The following TLN2 variants were observed in gnomAD, a reference collection of about 807,000 sequenced individuals.
TLN2 encodes talin 2, also known as talin-2.
TLN2 carries 118 observed loss-of-function variants against 294.7 expected under a neutral mutation model. The ratio of observed to expected loss-of-function variants is 0.40; its 90% CI spans 0.34 to 0.47. The LOEUF (loss-of-function observed/expected upper bound fraction) is 0.47, where lower values mean the gene tolerates loss of function less well. TLN2 is among the 20% of genes least tolerant of loss of function. The pLI is 0.84. For synonymous variants in TLN2, 1,431 were observed against 1,304.5 expected (o/e 1.10, Z -2.09); for missense variants, 3,083 against 3,282.2 (o/e 0.94, Z 1.48).
At chr15:62,588,082 G>T (rs974439637) in intron 1 of TLN2, among the ~76,000 whole-genome samples, 1 of 151,920 alleles carries the variant, frequency 6.6e-6, no homozygotes, top group Non-Finnish European at 1.5e-5. Flanking sequence ...GGGTTTCACC[G>T]TGTTAGCCAG....
intron 1 of TLN2, among the ~76,000 whole-genome samples, chr15:62,507,946 G>A (rs532396035): frequency 6.6e-6 from 1 of 152,120 alleles, no homozygotes; most frequent in African/African-American, 2.4e-5. Context: ...ATACTTTTTG[G>A]TATATAGAAT....
chr15:62,650,090 A>G lies in TLN2; in HGVS notation c.143A>G (p.Asp48Gly). 1 of 1,613,998 alleles carries G rather than the reference A, an allele frequency of 6.2e-7. No homozygotes were observed. Among genetic ancestry groups the G allele is most frequent in the Non-Finnish European group, 8.5e-7 (1 of 1,179,968 alleles). ...CTTCCCATTTATATTTCAGCTTCTG[A>G]CTATGGACTCTTTCTTTCGGATGAA... Reference protein sequence around the residue: ...VPEAQTGQASDYGLFLSDEDP... With the variant: ...VPEAQTGQASGYGLFLSDEDP... Residue 48 changes from aspartate to glycine, a missense_variant, in exon 5 of 59, where the codon GAC becomes GGC. Coordinates refer to ENST00000636159, the MANE Select transcript of TLN2 (RefSeq NM_015059.3).
chr15:62,590,926 C>T (rs567912631), intron 2 of TLN2, among the ~76,000 whole-genome samples: 1 of 151,378 alleles, frequency 6.6e-6, no homozygotes, highest in Non-Finnish European at 1.5e-5. Flanking sequence ...CCTGGTCATG[C>T]CTCTACTTTA....
Position 62,792,658 on chromosome 15 carries a change from C to G in TLN2, c.5754C>G (p.Arg1918=). ...CTCTGCAGATCGGATTCCAGATTCG[C>G]ACTCGTGTGCAGGACCTGGGCCACG... ...AEPEEIGFQI[R]TRVQDLGHGC... The change falls in exon 46 of 59, where the codon CGC becomes CGG. Residue 1918 remains arginine, a synonymous_variant. Transcript: ENST00000636159. 1 of 1,613,566 alleles carries G rather than the reference C, an allele frequency of 6.2e-7. No individual in the cohort carries two copies. The highest frequency in any genetic ancestry group is 8.5e-7 in the Non-Finnish European group (1 of 1,179,946).
At chr15:62,797,158 G>C (rs544360261) in intron 47 of TLN2, 61 bp from the exon 48 acceptor site, 1 of 1,582,524 alleles carries the variant, frequency 6.3e-7, no homozygotes. Context: ...TTTTCTTCTT[G>C]AAGTAATCAA....
rs754878427 is a variant in TLN2, at chr15:62,783,878, G to A, written c.5724G>A (p.Ala1908=). 1.1e-5 allele frequency: 17 copies of A among 1,613,872 alleles called. No individual in the cohort carries two copies. The highest frequency in any genetic ancestry group is 2.7e-5 in the African/African-American group (2 of 74,916). ...AFQGQMAAAT[A]EPEEIGFQIR... ...AGGGCCAGATGGCAGCAGCCACGGC[G>A]GAACCAGAGGAGGTCTGCCACCTTA... Residue 1908 remains alanine, a synonymous_variant, in exon 45 of 59, where the codon GCG becomes GCA. Transcript: ENST00000636159.
intron 7 of TLN2, among the ~76,000 whole-genome samples, chr15:62,653,858 A>T (rs537076141): frequency 6.6e-6 from 1 of 152,342 alleles, no homozygotes; most frequent in African/African-American, 2.4e-5. Flanking sequence ...AATTTTTTTA[A>T]TAGTGTGAAC....
Position 62,662,618 on chromosome 15 carries a change from C to T in TLN2, c.788+4720C>T, listed in dbSNP as rs541691959. Among the ~76,000 whole-genome samples, 11 of 152,150 alleles carry T rather than the reference C, an allele frequency of 7.2e-5. No homozygotes were observed. The South Asian group carries it at 1.0e-3, about 14-fold the overall frequency. ...CAAATAATTTGTTGAGTGCCTTCTACGGGGTAGACACTAGACACTGGAGAT... is the reference window on the plus strand; with the variant it reads ...CAAATAATTTGTTGAGTGCCTTCTATGGGGTAGACACTAGACACTGGAGAT... On this transcript the variant is annotated intron_variant, in intron 9 of 58. Coordinates refer to ENST00000636159, the MANE Select transcript of TLN2 (RefSeq NM_015059.3).
chr15:62,806,045 A>C (rs2066257528), intron 51 of TLN2, among the ~76,000 whole-genome samples: 1 of 152,124 alleles, frequency 6.6e-6, no homozygotes, highest in Non-Finnish European at 1.5e-5. Context: ...TTTTTTAAGT[A>C]ACCAAGTGTG....
chr15:62,541,154 A>G (rs1048839975), intron 1 of TLN2, among the ~76,000 whole-genome samples: 2 of 152,072 alleles, frequency 1.3e-5, no homozygotes, highest in Non-Finnish European at 2.9e-5. Context: ...TGATTTTTAT[A>G]CCTGTGTTAG....
intron 52 of TLN2, among the ~76,000 whole-genome samples, chr15:62,814,485 A>C (rs2066933972): frequency 6.7e-6 from 1 of 148,896 alleles, no homozygotes; most frequent in South Asian, 2.1e-4. Flanking sequence ...CAAAGATAAA[A>C]CTATCAAAAA....
intron 2 of TLN2, among the ~76,000 whole-genome samples, chr15:62,607,429 C>T (rs376621711): frequency 3.3e-5 from 5 of 152,142 alleles, no homozygotes; most frequent in African/African-American, 1.2e-4. Context: ...ATTGTTCTTT[C>T]TTGACTCCAT....
chr15:62,447,910 A>T (rs982987266), intron 1 of TLN2, among the ~76,000 whole-genome samples: 12 of 152,186 alleles, frequency 7.9e-5, no homozygotes, highest in African/African-American at 2.9e-4. Flanking sequence ...AGGCTTGCTC[A>T]GTCTGACAGG....
chr15:62,482,556 C>G (rs767154291), intron 1 of TLN2, among the ~76,000 whole-genome samples: 2 of 139,622 alleles, frequency 1.4e-5, no homozygotes, highest in African/African-American at 2.7e-5. Flanking sequence ...GAGCCGAGAT[C>G]GTGCCATCGC....
chr15:62,694,011 C>T (rs1423464734), intron 13 of TLN2, among the ~76,000 whole-genome samples: 1 of 140,416 alleles, frequency 7.1e-6, no homozygotes, highest in African/African-American at 2.8e-5. Flanking sequence ...CTCAGTCGCC[C>T]AGGCTGGAGT....
intron 16 of TLN2, among the ~76,000 whole-genome samples, chr15:62,699,078 G>A (rs2141090346): frequency 6.6e-6 from 1 of 152,230 alleles, no homozygotes; most frequent in Non-Finnish European, 1.5e-5. Context: ...TACCACGGGT[G>A]GGCTGAGAAC....
At chr15:62,830,059 G>T (rs1239045354) in intron 54 of TLN2, 2 of 146,788 alleles carry the variant, frequency 1.4e-5, no homozygotes, top group African/African-American at 5.5e-5. Context: ...GATGCCAGTA[G>T]TTATAGAGAA....
At chr15:62,731,738 T>C (rs1430507994) in intron 28 of TLN2, among the ~76,000 whole-genome samples, 2 of 152,184 alleles carry the variant, frequency 1.3e-5, no homozygotes, top group Non-Finnish European at 2.9e-5. Flanking sequence ...ACTCCTTCAT[T>C]TCAAGATCTT....
intron 1 of TLN2, among the ~76,000 whole-genome samples, chr15:62,556,739 G>C (rs868220115): frequency 6.6e-6 from 1 of 152,066 alleles, no homozygotes; most frequent in South Asian, 2.1e-4. Flanking sequence ...TTGTTTTTCT[G>C]TCTGCATTGG....
Sources: allele counts gnomAD v4.1 joint callset (sites outside exome capture counted in the v4.1 genomes callset), GRCh38; gene constraint gnomAD v4.1.1; transcripts MANE v1.5; gene names NCBI Gene and HGNC (gene_info 2026-07-23, HGNC 2026-07-21).